The following PLCXD3 variants were observed in gnomAD, a reference collection of about 807,000 sequenced individuals.
PLCXD3 encodes PI-PLC X domain-containing protein 3.
In PLCXD3, 19 loss-of-function variants were observed where a neutral mutation model predicts 25.5. That is an observed-to-expected ratio of 0.75 (90% CI 0.52 to 1.09). The LOEUF is 1.09. Ranked by LOEUF, PLCXD3 falls within the 50% of genes least tolerant of loss-of-function variation. The probability of loss-of-function intolerance (pLI) is 0.00; values close to 1 mark genes in which losing one functional copy is unlikely to be tolerated. For missense variants in PLCXD3, 411 were observed against 388.1 expected (o/e 1.06, Z -0.50); for synonymous variants, 174 against 137.6 (o/e 1.26, Z -1.85).
At chr5:41,328,666 T>C (rs561365033) in intron 2 of PLCXD3, among the ~76,000 whole-genome samples, 1 of 152,172 alleles carries the variant, frequency 6.6e-6, no homozygotes, top group African/African-American at 2.4e-5. Context: ...ACAGGATTCT[T>C]AGAAGAGAAA....
intron 2 of PLCXD3, among the ~76,000 whole-genome samples, chr5:41,359,193 C>T (rs1744704815): frequency 6.6e-6 from 1 of 152,052 alleles, no homozygotes; most frequent in Non-Finnish European, 1.5e-5. Flanking sequence ...TTGTTATGTC[C>T]TTCCCTGGTT....
chr5:41,468,009 C>CTTTTTTTT (rs145732089), intron 1 of PLCXD3, among the ~76,000 whole-genome samples: 4 of 52,404 alleles, frequency 7.6e-5, no homozygotes, highest in African/African-American at 1.6e-4. Flanking sequence ...CAGCTTTATT[C>CTTTTTTTT]TTTTTTTTTT....
At position 41,311,788 on chromosome 5, in the gene PLCXD3, T is replaced by C. The variant is rs539021590; in HGVS notation, c.*1829A>G. On this transcript the variant is annotated 3_prime_UTR_variant, in exon 3 of 3. Transcript: ENST00000377801. ...ATCATGAGTATTTATAATCTTGAAA[T>C]CAACTCTTGATTATTTGTGGTCTTG... 3.3e-4 allele frequency: 50 copies of C among 152,534 alleles called. No individual in the cohort carries two copies. Among genetic ancestry groups the C allele is most frequent in the African/African-American group, 1.1e-3 (44 of 41,558 alleles). 9.4% of individuals were successfully genotyped at this position (152,534 alleles called of 1,614,324 possible). A position where few individuals can be genotyped will look rare whatever the true frequency, so the allele number is the denominator to read the frequency against.
chr5:41,449,975 G>A (rs151134349), intron 1 of PLCXD3, among the ~76,000 whole-genome samples: 9 of 152,228 alleles, frequency 5.9e-5, no homozygotes, highest in African/African-American at 2.2e-4. Flanking sequence ...TAATTTTAAT[G>A]CTAAAGAAGA....
intron 1 of PLCXD3, among the ~76,000 whole-genome samples, chr5:41,493,833 G>C (rs993440923): frequency 5.3e-5 from 8 of 152,188 alleles, no homozygotes; most frequent in African/African-American, 1.4e-4. Context: ...TCCAGGTGCC[G>C]TCTGTCACCC....
rs147509917 is a variant in PLCXD3 at position 41,315,573 on chromosome 5, A to T, written c.813-1803T>A. ...TTAACAACTATTTACACAGCAAAAA[A>T]CACCTTTATAAGAACTAAAAATCAG... On this transcript the variant is annotated intron_variant, in intron 2 of 2. Coordinates refer to ENST00000377801, the MANE Select transcript of PLCXD3 (RefSeq NM_001005473.3). Among the ~76,000 whole-genome samples the T allele has an allele frequency of 6.6e-4, 101 of 152,268 alleles. 3 individuals are homozygous for T. Among genetic ancestry groups the T allele is most frequent in the African/African-American group, 2.2e-3 (93 of 41,550 alleles).
intron 2 of PLCXD3, among the ~76,000 whole-genome samples, chr5:41,332,366 G>C (rs1044405325): frequency 1.3e-5 from 2 of 152,028 alleles, no homozygotes; most frequent in Admixed American, 6.6e-5. Context: ...CTGGCCATCA[G>C]AGAAATGCAA....
At chr5:41,446,226 T>C (rs1416268794) in intron 1 of PLCXD3, among the ~76,000 whole-genome samples, 2 of 129,466 alleles carry the variant, frequency 1.5e-5, no homozygotes, top group East Asian at 4.7e-4. Context: ...TAGTGAGGGT[T>C]GGGGTTTGGT....
Position 41,382,416 on chromosome 5 carries a change from C to T in PLCXD3, c.222G>A (p.Arg74=). ...VFGTVAKKLM[R]KWLATQTMNF... is the part of the protein sequence containing the mutation. ...TCATTGTCTGAGTGGCTAACCATTT[C>T]CGCATGAGCTTTTTGGCCACAGTTC... Residue 74 remains arginine, a synonymous_variant, in exon 2 of 3, where the codon CGG becomes CGA. Transcript: ENST00000377801. 6.2e-7 allele frequency: 1 copy of T among 1,613,504 alleles called. No individual in the cohort carries two copies. The highest frequency in any genetic ancestry group is 8.5e-7 in the Non-Finnish European group (1 of 1,179,710).
At chr5:41,422,244 C>T (rs1185592362) in intron 1 of PLCXD3, among the ~76,000 whole-genome samples, 4 of 152,134 alleles carry the variant, frequency 2.6e-5, no homozygotes, top group Non-Finnish European at 5.9e-5. Flanking sequence ...TTTTCACATA[C>T]GCCTTCTCCG....
chr5:41,418,859 T>C (rs554649744), intron 1 of PLCXD3, among the ~76,000 whole-genome samples: 3 of 152,276 alleles, frequency 2.0e-5, no homozygotes, highest in Admixed American at 6.5e-5. Context: ...TGATTTACAA[T>C]GAAATTATGA....
intron 2 of PLCXD3, among the ~76,000 whole-genome samples, chr5:41,351,139 T>C (rs1218536007): frequency 6.6e-6 from 1 of 152,220 alleles, no homozygotes; most frequent in African/African-American, 2.4e-5. Context: ...ACCTTTTTTT[T>C]GAGGCAAACT....
chr5:41,486,002 C>T (rs1442419533), intron 1 of PLCXD3, among the ~76,000 whole-genome samples: 1 of 152,172 alleles, frequency 6.6e-6, no homozygotes, highest in Admixed American at 6.5e-5. Flanking sequence ...GGGAAGTTTT[C>T]TCCACAGTGA....
intron 2 of PLCXD3, among the ~76,000 whole-genome samples, chr5:41,353,237 C>T (rs189679541): frequency 1.3e-3 from 203 of 151,840 alleles, no homozygotes; most frequent in African/African-American, 4.2e-3. Flanking sequence ...GGATTACAGG[C>T]GCCCGCCACC....
intron 1 of PLCXD3, among the ~76,000 whole-genome samples, chr5:41,457,876 A>C (rs565377576): frequency 6.6e-6 from 1 of 151,912 alleles, no homozygotes; most frequent in South Asian, 2.1e-4. Context: ...ACTCTCCACA[A>C]AAATGATGTC....
chr5:41,504,004 T>TGC (rs1434960936), intron 1 of PLCXD3, among the ~76,000 whole-genome samples: 1 of 151,900 alleles, frequency 6.6e-6, no homozygotes, highest in Non-Finnish European at 1.5e-5. Context: ...TGTGTGTGTG[T>TGC]GTGTGTGACT....
chr5:41,478,192 G>T (rs72758332), intron 1 of PLCXD3, among the ~76,000 whole-genome samples: 5,737 of 152,248 alleles, frequency 0.038, 174 homozygotes, highest in Non-Finnish European at 0.055. Flanking sequence ...TTACCAAAGC[G>T]CTGGGTTGTT....
At chr5:41,384,877 T>G (rs1178065341) in intron 1 of PLCXD3, among the ~76,000 whole-genome samples, 1 of 152,094 alleles carries the variant, frequency 6.6e-6, no homozygotes, top group East Asian at 1.9e-4. Flanking sequence ...CAGTATGTGT[T>G]TTGAGCCACA....
chr5:41,497,570 A>G (rs1386617136), intron 1 of PLCXD3, among the ~76,000 whole-genome samples: 7 of 151,876 alleles, frequency 4.6e-5, no homozygotes, highest in Admixed American at 3.3e-4. Flanking sequence ...GAGATAGGCA[A>G]CATACAGTAA....
Sources: allele counts gnomAD v4.1 joint callset (sites outside exome capture counted in the v4.1 genomes callset), GRCh38; gene constraint gnomAD v4.1.1; transcripts MANE v1.5; gene names NCBI Gene and HGNC (gene_info 2026-07-23, HGNC 2026-07-21).